SPG11: variants seen among roughly 807,000 people sequenced by gnomAD.
SPG11 encodes the protein SPG11 vesicle trafficking associated, spatacsin, also known as spatacsin.
Under a neutral mutation model 274.0 loss-of-function variants are expected in SPG11, and 222 were observed. The observed-to-expected ratio is 0.81, with a 90% CI of 0.73 to 0.91. SPG11 has a LOEUF of 0.91. SPG11 is among the 40% of genes least tolerant of loss of function. The probability of loss-of-function intolerance (pLI) is 0.00; values close to 1 mark genes in which losing one functional copy is unlikely to be tolerated. For missense variants in SPG11, 3,114 were observed against 2,872.7 expected, an observed-to-expected ratio of 1.08 and a Z score of -1.92; for synonymous variants, 1,144 against 1,039.7, an observed-to-expected ratio of 1.10 and a Z score of -1.93.
chr15:44,581,943 A>G (rs2082666340), intron 30 of SPG11, among the ~76,000 whole-genome samples: 1 of 152,178 alleles, frequency 6.6e-6, no homozygotes, highest in African/African-American at 2.4e-5. Context: ...ATTAAAATGG[A>G]AGACTAAAAA....
chr15:44,617,884 C>T (rs534199514), intron 15 of SPG11, among the ~76,000 whole-genome samples: 1 of 152,170 alleles, frequency 6.6e-6, no homozygotes, highest in African/African-American at 2.4e-5. Context: ...TCATGTTGGC[C>T]ACGCTGGTCC....
intron 3 of SPG11, among the ~76,000 whole-genome samples, chr15:44,658,460 GCTT>G (rs923776844): frequency 8.2e-4 from 124 of 150,348 alleles, no homozygotes; most frequent in Non-Finnish European, 6.8e-4. Context: ...CACAACATAA[GCTT>G]TTTTTTTTTT....
chr15:44,662,774 T>A (rs749810162), intron 1 of SPG11, among the ~76,000 whole-genome samples: 1 of 152,068 alleles, frequency 6.6e-6, no homozygotes, highest in Non-Finnish European at 1.5e-5. Flanking sequence ...AGTAATGCAT[T>A]ATTGTAATCA....
chr15:44,569,298 C>T (rs2082369447), intron 35 of SPG11, 100 bp downstream of exon 35: 1 of 894,698 alleles, frequency 1.1e-6, no homozygotes, highest in Admixed American at 2.0e-5. Flanking sequence ...CCTCCATTTT[C>T]CCAAGAGTCT....
intron 4 of SPG11, among the ~76,000 whole-genome samples, chr15:44,655,404 GAA>G (rs1317315280): frequency 5.3e-5 from 8 of 152,160 alleles, no homozygotes; most frequent in Admixed American, 2.6e-4. Flanking sequence ...CCCAAGTAGA[GAA>G]AAGTCATGAC....
chr15:44,566,121 TC>T (rs1182754804), intron 37 of SPG11, 95 bp downstream of exon 37: 8 of 1,586,922 alleles, frequency 5.0e-6, no homozygotes, highest in Non-Finnish European at 6.9e-6. Context: ...TATGATGCCC[TC>T]CCGCTTCACC....
chr15:44,587,553 G>T (rs1294252886), intron 28 of SPG11, among the ~76,000 whole-genome samples: 1 of 151,868 alleles, frequency 6.6e-6, no homozygotes, highest in Non-Finnish European at 1.5e-5. Flanking sequence ...AGCCAGGTGT[G>T]GTGGTGTGTG....
At chr15:44,622,569 A>C (rs1190376287) in intron 12 of SPG11, 159 bp downstream of exon 12, 1 of 762,836 alleles carries the variant, frequency 1.3e-6, no homozygotes, top group East Asian at 2.6e-5. Flanking sequence ...TTGAAGAAAG[A>C]TGAAGGGGAA....
intron 30 of SPG11, among the ~76,000 whole-genome samples, chr15:44,576,044 A>G (rs986810562): frequency 3.5e-5 from 5 of 144,722 alleles, no homozygotes; most frequent in Non-Finnish European, 6.0e-5. Flanking sequence ...CAGGAGGCTG[A>G]GGCAGGAGAA....
At chr15:44,584,673 G>T in intron 29 of SPG11, 115 bp from the exon 30 acceptor site, 1 of 1,291,526 alleles carries the variant, frequency 7.7e-7, no homozygotes, top group Non-Finnish European at 1.1e-6. Flanking sequence ...CTGTCACCCA[G>T]GCTGGAGAGC....
chr15:44,566,785 C>T (rs372751903), intron 36 of SPG11, among the ~76,000 whole-genome samples: 7 of 152,242 alleles, frequency 4.6e-5, no homozygotes, highest in Non-Finnish European at 7.4e-5. Context: ...CTGCAACCTC[C>T]GCCTCCCGGG....
At chr15:44,637,470 A>G (rs555204705) in intron 7 of SPG11, among the ~76,000 whole-genome samples, 2 of 152,064 alleles carry the variant, frequency 1.3e-5, no homozygotes, top group South Asian at 2.1e-4. Context: ...GAGCCACCAT[A>G]CCCGGCTAAT....
chr15:44,629,437 A>C (rs2083996514), intron 8 of SPG11, 49 bp from the exon 9 acceptor site: 1 of 1,550,718 alleles, frequency 6.4e-7, no homozygotes, highest in Non-Finnish European at 8.9e-7. Flanking sequence ...GGATACTCAC[A>C]ATAAAATTAA....
rs1567140174 is a variant in SPG11 at position 44,585,710 on chromosome 15, C to T, written c.5047G>A (p.Asp1683Asn). Residue 1683 changes from aspartate (D) to asparagine (N), a missense_variant, in exon 29 of 40, where the codon GAT (aspartate) becomes AAT (asparagine). Transcript: ENST00000261866. The stretch of plus-strand genomic sequence containing the variant: ...CTCCTGGCCAAAGCGAATTGTCCAT[C>T]TGTCTGCAGTCTTTCCAAAATAGAT... ...CRSILERLQTDGQFALARRVA... is the reference protein window; with the variant it reads ...CRSILERLQTNGQFALARRVA... 1 of 1,613,190 alleles carries T rather than the reference C, an allele frequency of 6.2e-7. No homozygotes were observed. The highest frequency in any genetic ancestry group is 2.2e-5 in the East Asian group (1 of 44,834).
chr15:44,598,185 T>C, intron 23 of SPG11, 80 bp downstream of exon 23: 1 of 969,284 alleles, frequency 1.0e-6, no homozygotes, highest in Non-Finnish European at 1.7e-6. Flanking sequence ...AACACCAGAG[T>C]TGTTCAAAGA....
rs312262759 is a variant in SPG11 at position 44,596,208 on chromosome 15, CTT to C, written c.4307_4308del (p.Gln1436ArgfsTer7). On this transcript the variant is annotated frameshift_variant, in exon 25 of 40. Coordinates refer to ENST00000261866, the MANE Select transcript of SPG11 (RefSeq NM_025137.4). LOFTEE classifies it high-confidence loss of function. The part of the protein sequence containing the change: ...KCPQELQGSK[Q>X]EMTDLFEILL... Reference sequence around the variant, plus strand: ...AGAATTTCAAATAAATCGGTCATCTCTTGTTTGCTTCCTTGAAGTTCCTGGGG... The same window carrying C: ...AGAATTTCAAATAAATCGGTCATCTCGTTTGCTTCCTTGAAGTTCCTGGGG... 41 of 1,614,168 alleles carry C rather than the reference CTT, an allele frequency of 2.5e-5. No individual in the cohort carries two copies. The highest frequency in any genetic ancestry group is 1.2e-4 in the African/African-American group (9 of 75,040).
intron 1 of SPG11, among the ~76,000 whole-genome samples, chr15:44,663,106 G>A (rs569656436): frequency 6.6e-6 from 1 of 152,268 alleles, no homozygotes; most frequent in Admixed American, 6.5e-5. Flanking sequence ...CCTCAGCTGA[G>A]ACCCGTTCCG....
chr15:44,635,334 G>A (rs567393168), intron 7 of SPG11, among the ~76,000 whole-genome samples: 30 of 152,142 alleles, frequency 2.0e-4, no homozygotes, highest in African/African-American at 6.0e-4. Flanking sequence ...CAGCACTTTC[G>A]GAGGCTGAGG....
rs1422652809 is a variant in SPG11, at chr15:44,620,395, A to G, written c.2629T>C (p.Ser877Pro). 5 of 1,611,452 alleles carry G rather than the reference A, an allele frequency of 3.1e-6. No individual in the cohort carries two copies. The Admixed American group carries it at 5.0e-5, about 16-fold the overall frequency. ...LPRISPEEYK[S>P]YSPEALWRYL... ...CTCCAGAGGGCTTCAGGGGAATATG[A>G]TTTGTATTCTACATGAAAAAAAACA... The change falls in exon 15 of 40, where the codon TCA becomes CCA. Residue 877 changes from serine to proline, a missense_variant. Physicochemically the swap from Ser to Pro is moderately conservative, Grantham distance 74 (BLOSUM62 -1). Coordinates refer to ENST00000261866, the MANE Select transcript of SPG11 (RefSeq NM_025137.4).
Sources: allele counts gnomAD v4.1 joint callset (sites outside exome capture counted in the v4.1 genomes callset), GRCh38; gene constraint gnomAD v4.1.1; transcripts MANE v1.5; gene names NCBI Gene and HGNC (gene_info 2026-07-23, HGNC 2026-07-21).